WDR41: variants seen among roughly 807,000 people sequenced by gnomAD.
WDR41 encodes the protein WD repeat domain 41.
Under a neutral mutation model 69.3 loss-of-function variants are expected in WDR41, and 63 were observed. That is an observed-to-expected ratio of 0.91 (90% CI 0.74 to 1.12). The LOEUF (loss-of-function observed/expected upper bound fraction) is 1.12. Among genes scored for constraint, WDR41 ranks in the 50% most tolerant of loss-of-function variants. WDR41 has a pLI of 0.00. For missense variants in WDR41, 543 were observed against 534.5 expected (o/e 1.02, Z -0.16); for synonymous variants, 185 against 192.1 (o/e 0.96, Z 0.31).
intron 4 of WDR41, among the ~76,000 whole-genome samples, chr5:77,462,170 G>A (rs1257057102): frequency 1.3e-5 from 2 of 152,062 alleles, no homozygotes; most frequent in African/African-American, 4.8e-5. Flanking sequence ...AGCATTGTGG[G>A]AGGCCAGGGT....
Position 77,436,348 on chromosome 5 carries a change from G to C in WDR41, c.1140C>G (p.Ser380Arg). The change falls in exon 12 of 13, where the codon AGC becomes AGG. Residue 380 changes from serine (S) to arginine (R), a missense_variant. Ser to Arg is a moderately radical substitution (Grantham distance 110, BLOSUM62 -1). Transcript: ENST00000296679. ...TTTCTTGCTGCTTTTTAACAGGTTGGCTGGCTTGTTTGCTGACTCTTCCAA... is the reference window on the plus strand; with the variant it reads ...TTTCTTGCTGCTTTTTAACAGGTTGCCTGGCTTGTTTGCTGACTCTTCCAA... ...WGFGRVSKQA[S>R]QPVKKQQENA... The C allele has an allele frequency of 6.2e-7, 1 of 1,614,040 alleles. No homozygotes were observed. The highest frequency in any genetic ancestry group is 8.5e-7 in the Non-Finnish European group (1 of 1,179,988).
intron 8 of WDR41, 132 bp from the exon 9 acceptor site, chr5:77,441,129 C>G: frequency 1.2e-6 from 1 of 850,702 alleles, no homozygotes; most frequent in Non-Finnish European, 1.7e-6. Flanking sequence ...GGCAAGCCAA[C>G]AGAAAGATTA....
chr5:77,448,051 A>G (rs1184471617), intron 8 of WDR41, among the ~76,000 whole-genome samples: 3 of 152,202 alleles, frequency 2.0e-5, no homozygotes, highest in Non-Finnish European at 2.9e-5. Flanking sequence ...TGCATATCAC[A>G]TGGTAAAAGA....
At chr5:77,529,272 AT>A (rs1802490054) in intron 1 of WDR41, among the ~76,000 whole-genome samples, 1 of 151,582 alleles carries the variant, frequency 6.6e-6, no homozygotes, top group Non-Finnish European at 1.5e-5. Context: ...TTAAGATGCC[AT>A]TTATAAAGAA....
At position 77,451,358 on chromosome 5, in the gene WDR41, A is replaced by G; in HGVS notation, c.524-5T>C. 1 of 1,611,328 alleles carries G rather than the reference A, an allele frequency of 6.2e-7. No homozygotes were observed. The highest frequency in any genetic ancestry group is 1.3e-5 in the African/African-American group (1 of 74,950). On this transcript the variant is annotated splice_region_variant and splice_polypyrimidine_tract_variant and intron_variant, in intron 6 of 12. Transcript: ENST00000296679. ...TTTCAACCAAAGCACTAATACCTCCAAAAACATATAAAACAAAGTTCAAAT... is the reference window on the plus strand; with the variant it reads ...TTTCAACCAAAGCACTAATACCTCCGAAAACATATAAAACAAAGTTCAAAT...
chr5:77,518,912 G>A (rs962556942), intron 1 of WDR41, among the ~76,000 whole-genome samples: 11 of 151,948 alleles, frequency 7.2e-5, no homozygotes, highest in South Asian at 4.1e-4. Flanking sequence ...AATTTTCTTT[G>A]CGACCTCCAA....
chr5:77,553,344 C>T (rs544898390), intron 1 of WDR41, among the ~76,000 whole-genome samples: 21 of 152,266 alleles, frequency 1.4e-4, no homozygotes, highest in African/African-American at 4.6e-4. Flanking sequence ...ATGCTGTGTT[C>T]TCAAATAGCT....
intron 5 of WDR41, among the ~76,000 whole-genome samples, chr5:77,458,383 G>C (rs899510438): frequency 6.6e-6 from 1 of 152,076 alleles, no homozygotes; most frequent in Admixed American, 6.6e-5. Flanking sequence ...CCAATATGGA[G>C]ATCAGTTATC....
intron 1 of WDR41, among the ~76,000 whole-genome samples, chr5:77,571,909 G>A (rs1743740677): frequency 2.6e-5 from 4 of 152,240 alleles, no homozygotes; most frequent in Admixed American, 6.6e-5. Context: ...TTTTCCAATG[G>A]AAGAAATTGG....
chr5:77,505,915 A>T (rs1345015935), intron 1 of WDR41, among the ~76,000 whole-genome samples: 1 of 152,236 alleles, frequency 6.6e-6, no homozygotes, highest in African/African-American at 2.4e-5. Flanking sequence ...TATATGTTAG[A>T]CCTAAAACCA....
intron 1 of WDR41, among the ~76,000 whole-genome samples, chr5:77,535,375 T>C (rs759094549): frequency 5.3e-5 from 8 of 152,176 alleles, no homozygotes; most frequent in Non-Finnish European, 1.2e-4. Flanking sequence ...GTTTAGAATG[T>C]CAAAAGTCAT....
chr5:77,459,107 A>G lies in WDR41; in HGVS notation c.366T>C (p.Thr122=). The G allele has an allele frequency of 6.2e-7, 1 of 1,601,190 alleles. No homozygotes were observed. Residue 122 remains threonine (T), a synonymous_variant, in exon 5 of 13, where the codon ACT becomes ACC. Transcript: ENST00000296679. ...ATGATATTCTCTGAACTTGTCTGGT[A>G]GTATCACCATCCCACACCTAAATTT... ...DRTVIVWDGD[T]TRQVQRISCF...
At chr5:77,482,824 G>A (rs1398579000) in intron 2 of WDR41, among the ~76,000 whole-genome samples, 1 of 148,664 alleles carries the variant, frequency 6.7e-6, no homozygotes, top group African/African-American at 2.5e-5. Context: ...GAAAATGCAG[G>A]CACAGAATGA....
At chr5:77,452,501 G>T (rs1799666127) in intron 6 of WDR41, 1 of 152,198 alleles carries the variant, frequency 6.6e-6, no homozygotes, top group Non-Finnish European at 1.5e-5. Context: ...GACTAAGATT[G>T]TCTTTGCTTA....
In WDR41 at chr5:77,463,160, A is replaced by G. The variant is rs1473065067; in HGVS notation, c.283T>C (p.Ser95Pro). Residue 95 changes from serine to proline, a missense_variant, in exon 4 of 13, where the codon TCC becomes CCC. By Grantham distance (74) the Ser-to-Pro change is moderately conservative. Coordinates refer to ENST00000296679, the MANE Select transcript of WDR41 (RefSeq NM_018268.4). ...TTTTTCTCTTCACAAGATTCCAAGG[A>G]AGGAAATGTAATAATAGCTGTTATC... Reference protein sequence around the residue: ...QKITAIITFPSLESCEEKNQL... With the variant: ...QKITAIITFPPLESCEEKNQL... 1 of 1,612,706 alleles carries G rather than the reference A, an allele frequency of 6.2e-7. No individual in the cohort carries two copies. The highest frequency in any genetic ancestry group is 8.5e-7 in the Non-Finnish European group (1 of 1,179,342).
chr5:77,510,586 T>C (rs754102044), intron 1 of WDR41, among the ~76,000 whole-genome samples: 1 of 152,080 alleles, frequency 6.6e-6, no homozygotes, highest in African/African-American at 2.4e-5. Context: ...CAGGTTTCCA[T>C]GCCTTTCTAC....
At chr5:77,539,509 C>A (rs1445833187) in intron 1 of WDR41, among the ~76,000 whole-genome samples, 1 of 151,990 alleles carries the variant, frequency 6.6e-6, no homozygotes, top group Non-Finnish European at 1.5e-5. Flanking sequence ...TCCTGCTGGT[C>A]TAGGGGGTGT....
At chr5:77,512,745 C>CAAAAAAAAAAAAAAAAAAAAAAA (rs71606301) in intron 1 of WDR41, among the ~76,000 whole-genome samples, 2 of 74,084 alleles carry the variant, frequency 2.7e-5, no homozygotes, top group Non-Finnish European at 5.5e-5. Flanking sequence ...GACTCCATCT[C>CAAAAAAAAAAAAAAAAAAAAAAA]AAAAAAAAAA....
chr5:77,523,329 A>G (rs1353933160), intron 1 of WDR41, among the ~76,000 whole-genome samples: 1 of 151,992 alleles, frequency 6.6e-6, no homozygotes, highest in Non-Finnish European at 1.5e-5. Flanking sequence ...TATATTTTCT[A>G]CCTTTTAGAA....
Sources: gnomAD v4.1 joint callset for allele counts (sites outside exome capture counted in the v4.1 genomes callset) on GRCh38, gnomAD v4.1.1 for gene constraint, MANE v1.5 for transcripts, NCBI Gene and HGNC (gene_info 2026-07-23, HGNC 2026-07-21) for gene names.